The following ATRNL1 variants were observed in gnomAD, a reference collection of about 807,000 sequenced individuals.
ATRNL1 encodes attractin like 1, also known as attractin-like protein 1.
Under a neutral mutation model 182.7 loss-of-function variants are expected in ATRNL1, and 95 were observed. That is an observed-to-expected ratio of 0.52 (90% CI 0.44 to 0.62). The LOEUF is 0.62. Ranked by LOEUF, ATRNL1 falls within the 20% of genes least tolerant of loss-of-function variation. The probability of loss-of-function intolerance (pLI) is 0.00; values close to 1 mark genes in which losing one functional copy is unlikely to be tolerated. For synonymous variants in ATRNL1, 576 were observed against 568.3 expected, an observed-to-expected ratio of 1.01 and a Z score of -0.19; for missense variants, 1,471 against 1,679.5, an observed-to-expected ratio of 0.88 and a Z score of 2.17.
At chr10:115,487,275 A>G (rs1214794638) in intron 24 of ATRNL1, among the ~76,000 whole-genome samples, 4 of 152,106 alleles carry the variant, frequency 2.6e-5, no homozygotes, top group African/African-American at 9.7e-5. Flanking sequence ...CAGTTCTGTG[A>G]AGAAAGTCAA....
chr10:115,654,922 C>T (rs553813554), intron 26 of ATRNL1, among the ~76,000 whole-genome samples: 2 of 152,210 alleles, frequency 1.3e-5, no homozygotes, highest in African/African-American at 4.8e-5. Flanking sequence ...ACAATTTCCA[C>T]TTCTTGTCTC....
intron 24 of ATRNL1, among the ~76,000 whole-genome samples, chr10:115,489,807 T>G (rs1053358547): frequency 1.3e-5 from 2 of 152,222 alleles, no homozygotes; most frequent in Non-Finnish European, 2.9e-5. Context: ...TTGATGCAGT[T>G]TCTTCATAGC....
chr10:115,301,271 G>A (rs1173344074), intron 16 of ATRNL1, among the ~76,000 whole-genome samples: 1 of 152,110 alleles, frequency 6.6e-6, no homozygotes, highest in East Asian at 1.9e-4. Flanking sequence ...GCCAGAAGCA[G>A]AATTACAAAA....
At chr10:115,129,617 G>A (rs914960878) in intron 5 of ATRNL1, 82 bp downstream of exon 5, 10 of 1,179,612 alleles carry the variant, frequency 8.5e-6, no homozygotes, top group Admixed American at 6.0e-5. Flanking sequence ...CGTTTGTTTC[G>A]TTATAGTTTG....
At chr10:115,280,101 TC>T (rs1167546758) in intron 13 of ATRNL1, among the ~76,000 whole-genome samples, 1 of 152,216 alleles carries the variant, frequency 6.6e-6, no homozygotes, top group Non-Finnish European at 1.5e-5. Flanking sequence ...GTTATCCTAT[TC>T]CATTTCTGGC....
chr10:115,243,113 C>T (rs1850490858), intron 10 of ATRNL1, among the ~76,000 whole-genome samples: 1 of 151,936 alleles, frequency 6.6e-6, no homozygotes, highest in Non-Finnish European at 1.5e-5. Context: ...AAAAAGTATA[C>T]ATTGTTGTTG....
intron 27 of ATRNL1, among the ~76,000 whole-genome samples, chr10:115,730,279 A>G (rs1053004424): frequency 7.1e-6 from 1 of 141,022 alleles, no homozygotes; most frequent in Admixed American, 7.2e-5. Context: ...AAAAAAAAAA[A>G]AAAGAGAGAG....
chr10:115,433,340 C>T (rs1846254410), intron 21 of ATRNL1, among the ~76,000 whole-genome samples: 1 of 152,032 alleles, frequency 6.6e-6, no homozygotes, highest in Admixed American at 6.6e-5. Context: ...TGTTCTAAAA[C>T]TGAATAAAAT....
At chr10:115,839,223 G>T (rs1252479995) in intron 27 of ATRNL1, among the ~76,000 whole-genome samples, 3 of 152,108 alleles carry the variant, frequency 2.0e-5, no homozygotes, top group Admixed American at 1.3e-4. Context: ...AAGGGACACC[G>T]CAAGTTTCTA....
At chr10:115,802,529 A>G (rs1383004034) in intron 27 of ATRNL1, among the ~76,000 whole-genome samples, 1 of 152,246 alleles carries the variant, frequency 6.6e-6, no homozygotes, top group Non-Finnish European at 1.5e-5. Flanking sequence ...ATTTGAAGTT[A>G]TGTTTTGAGA....
chr10:115,137,532 C>A (rs1302808179), intron 5 of ATRNL1, among the ~76,000 whole-genome samples: 3 of 152,172 alleles, frequency 2.0e-5, no homozygotes, highest in Admixed American at 6.5e-5. Flanking sequence ...GGGGGCCTCA[C>A]AATCATGGCA....
intron 28 of ATRNL1, among the ~76,000 whole-genome samples, chr10:115,862,095 C>T (rs534540365): frequency 6.6e-6 from 1 of 152,316 alleles, no homozygotes; most frequent in South Asian, 2.1e-4. Flanking sequence ...ATAGTTTCTG[C>T]TGACTCTTGC....
intron 19 of ATRNL1, among the ~76,000 whole-genome samples, chr10:115,384,199 G>T (rs1858198732): frequency 1.3e-5 from 2 of 151,936 alleles, no homozygotes; most frequent in East Asian, 3.8e-4. Flanking sequence ...ACATCATGTT[G>T]TCATAACTAT....
chr10:115,670,717 A>G (rs1024806418), intron 26 of ATRNL1, among the ~76,000 whole-genome samples: 4 of 152,140 alleles, frequency 2.6e-5, no homozygotes, highest in Admixed American at 6.6e-5. Flanking sequence ...TGTTTTGACT[A>G]TAAAATATAT....
chr10:115,538,885 A>G (rs934381394), intron 25 of ATRNL1, among the ~76,000 whole-genome samples: 2 of 152,210 alleles, frequency 1.3e-5, no homozygotes, highest in Admixed American at 6.5e-5. Flanking sequence ...TTATATTACT[A>G]TATGTTTACT....
intron 17 of ATRNL1, among the ~76,000 whole-genome samples, chr10:115,304,342 T>C (rs150429620): frequency 0.019 from 2,818 of 152,292 alleles, 104 homozygotes; most frequent in African/African-American, 0.065. Flanking sequence ...TTTCTTGTTT[T>C]TCCTCTGAGA....
chr10:115,286,193 A>T (rs782449894), intron 14 of ATRNL1, 23 bp from the exon 15 acceptor site: 1 of 1,262,358 alleles, frequency 7.9e-7, no homozygotes, highest in African/African-American at 1.5e-5. Flanking sequence ...TCTAACAATA[A>T]GACACATTTT....
chr10:115,568,371 G>T (rs564233117), intron 26 of ATRNL1, among the ~76,000 whole-genome samples: 41 of 152,096 alleles, frequency 2.7e-4, no homozygotes, highest in South Asian at 2.1e-4. Context: ...AACAATTTAA[G>T]TATATCCATT....
At chr10:115,737,767 A>G (rs1480988808) in intron 27 of ATRNL1, among the ~76,000 whole-genome samples, 1 of 152,118 alleles carries the variant, frequency 6.6e-6, no homozygotes, top group African/African-American at 2.4e-5. Context: ...CAGACCCCCA[A>G]TTCTGCTTCT....
Sources: gnomAD v4.1 joint callset for allele counts (sites outside exome capture counted in the v4.1 genomes callset) on GRCh38, gnomAD v4.1.1 for gene constraint, MANE v1.5 for transcripts, NCBI Gene and HGNC (gene_info 2026-07-23, HGNC 2026-07-21) for gene names.